HYDIN: variants seen among roughly 807,000 people sequenced by gnomAD.
The protein encoded by HYDIN is HYDIN axonemal central pair apparatus protein.
HYDIN carries 132 observed loss-of-function variants against 403.9 expected under a neutral mutation model. The observed-to-expected ratio is 0.33, with a 90% CI of 0.28 to 0.38. The LOEUF is 0.38. Ranked by LOEUF, HYDIN falls within the 10% of genes least tolerant of loss-of-function variation. The pLI, the probability that HYDIN is intolerant of heterozygous loss-of-function variation, is 1.00. For synonymous variants in HYDIN, 1,202 were observed against 1,891.7 expected, an observed-to-expected ratio of 0.64 and a Z score of 9.46; for missense variants, 2,827 against 5,009.5, an observed-to-expected ratio of 0.56 and a Z score of 13.15.
chr16:71,100,676 C>T (rs2083432036), intron 10 of HYDIN, among the ~76,000 whole-genome samples: 1 of 152,202 alleles, frequency 6.6e-6, no homozygotes, highest in African/African-American at 2.4e-5. Flanking sequence ...GCTAAATCAG[C>T]TGATATCCAC....
At position 70,829,930 on chromosome 16, in the gene HYDIN, A is replaced by C. The variant is rs1168489306; in HGVS notation, c.13900-100T>G. ...TGCGCTGGGGAAGACTGACTTTGAC[A>C]GTGCTTCCCATCATGAGTTTCAGTG... On this transcript the variant is annotated intron_variant, in intron 80 of 85. Coordinates refer to ENST00000393567, the MANE Select transcript of HYDIN (RefSeq NM_001270974.2). 41 of 1,050,600 alleles carry C rather than the reference A, an allele frequency of 3.9e-5. No individual in the cohort carries two copies. In the East Asian group the frequency reaches 9.7e-4, roughly 25 times the overall value. 65.1% of individuals were successfully genotyped at this position (1,050,600 alleles called of 1,614,324 possible).
chr16:71,086,178 G>A (rs1597741905), intron 12 of HYDIN, among the ~76,000 whole-genome samples: 2 of 152,106 alleles, frequency 1.3e-5, no homozygotes, highest in African/African-American at 4.8e-5. Context: ...TTAGGGAATA[G>A]TTTAAAGAAT....
chr16:70,994,407 G>A (rs997359015), intron 23 of HYDIN, among the ~76,000 whole-genome samples: 1 of 152,088 alleles, frequency 6.6e-6, no homozygotes, highest in Non-Finnish European at 1.5e-5. Context: ...AAAGAGTGGC[G>A]ATGGGAAAGC....
At chr16:70,944,071 G>T in intron 41 of HYDIN, 122 bp from the exon 42 acceptor site, 1 of 720,154 alleles carries the variant, frequency 1.4e-6, no homozygotes, top group South Asian at 1.8e-5. Context: ...TCTGTACAAT[G>T]GGAACTGCAT....
At chr16:70,922,785 C>CT (rs77860153) in intron 45 of HYDIN, among the ~76,000 whole-genome samples, 3,525 of 110,242 alleles carry the variant, frequency 0.032, 125 homozygotes, top group African/African-American at 0.099. Context: ...CTTTTATAAC[C>CT]TTTTTTTTTT....
At chr16:70,956,449 C>A (rs1335084287) in intron 39 of HYDIN, among the ~76,000 whole-genome samples, 2 of 152,166 alleles carry the variant, frequency 1.3e-5, no homozygotes, top group Non-Finnish European at 2.9e-5. Flanking sequence ...TTTCCACCTG[C>A]AAATATGTTA....
At chr16:70,823,813 T>C (rs2036414764) in intron 83 of HYDIN, among the ~76,000 whole-genome samples, 1 of 147,408 alleles carries the variant, frequency 6.8e-6, no homozygotes, top group South Asian at 2.2e-4. Flanking sequence ...TCCTACCCTG[T>C]AGAGACTAGC....
chr16:70,892,236 G>A, intron 56 of HYDIN, 125 bp downstream of exon 56: 3 of 989,720 alleles, frequency 3.0e-6, no homozygotes. Context: ...ATCCTATCTG[G>A]TTGCCACCCA....
At chr16:71,036,222 C>T (rs1338177725) in intron 18 of HYDIN, among the ~76,000 whole-genome samples, 3 of 151,454 alleles carry the variant, frequency 2.0e-5, no homozygotes, top group African/African-American at 7.3e-5. Flanking sequence ...GAGTTCACAT[C>T]CATCTGCTTT....
Position 71,157,072 on chromosome 16 carries a change from A to G in HYDIN, c.717-4289T>C, listed in dbSNP as rs1357554141. On this transcript the variant is annotated intron_variant, in intron 6 of 85. Transcript: ENST00000393567. ...TTGGTTAGGCATCTTATAAACATTTATTGGGTGTTTATTTATTCTAGACAG... is the reference window on the plus strand; with the variant it reads ...TTGGTTAGGCATCTTATAAACATTTGTTGGGTGTTTATTTATTCTAGACAG... Among the ~76,000 whole-genome samples the G allele has an allele frequency of 2.8e-5, 4 of 145,010 alleles. No homozygotes were observed. The Admixed American group carries it at 2.8e-4, about 10-fold the overall frequency.
chr16:70,806,271 G>C lies in HYDIN; in HGVS notation c.*1309C>G, dbSNP rs1038515477. ...GTGTTCAGTACTATCTGTGGTTTCA[G>C]GCATCTACTGGGCACCTTGGAATGT... On this transcript the variant is annotated 3_prime_UTR_variant, in exon 86 of 86. Coordinates refer to ENST00000393567, the MANE Select transcript of HYDIN (RefSeq NM_001270974.2). Among the ~76,000 whole-genome samples, 1 of 152,144 alleles carries C rather than the reference G, an allele frequency of 6.6e-6. No individual in the cohort carries two copies. The highest frequency in any genetic ancestry group is 1.5e-5 in the Non-Finnish European group (1 of 68,020).
At chr16:70,946,243 C>T (rs571440280) in intron 41 of HYDIN, among the ~76,000 whole-genome samples, 3 of 140,768 alleles carry the variant, frequency 2.1e-5, no homozygotes, top group African/African-American at 2.7e-5. Context: ...ACTTGGTGGC[C>T]GGAAGATGAG....
chr16:71,055,726 C>A (rs1282553898), intron 18 of HYDIN, among the ~76,000 whole-genome samples: 28 of 151,966 alleles, frequency 1.8e-4, no homozygotes, highest in Non-Finnish European at 4.0e-4. Context: ...TGGCCTTTCT[C>A]TGCAGATCAC....
At chr16:71,030,209 C>T (rs1415951179) in intron 19 of HYDIN, among the ~76,000 whole-genome samples, 2 of 151,872 alleles carry the variant, frequency 1.3e-5, no homozygotes, top group African/African-American at 4.8e-5. Flanking sequence ...TGACATCATG[C>T]GAGGCTAATT....
intron 18 of HYDIN, among the ~76,000 whole-genome samples, chr16:71,034,948 G>C (rs1009403568): frequency 7.5e-6 from 1 of 133,614 alleles, no homozygotes; most frequent in Non-Finnish European, 1.6e-5. Flanking sequence ...GACCTGGATG[G>C]AGATGTTTGT....
chr16:70,956,258 CAAA>C (rs4028339), intron 39 of HYDIN, among the ~76,000 whole-genome samples: 2 of 133,636 alleles, frequency 1.5e-5, no homozygotes, highest in African/African-American at 2.7e-5. Flanking sequence ...ACTTTCATTA[CAAA>C]AAAAAAAAAA....
At chr16:71,220,939 A>G (rs962386006) in intron 1 of HYDIN, among the ~76,000 whole-genome samples, 1 of 152,236 alleles carries the variant, frequency 6.6e-6, no homozygotes. Context: ...CAAAAAGCTA[A>G]CAAGACCATA....
chr16:70,931,712 C>A (rs2077339385), intron 45 of HYDIN, among the ~76,000 whole-genome samples: 1 of 152,198 alleles, frequency 6.6e-6, no homozygotes, highest in Admixed American at 6.5e-5. Flanking sequence ...AGGAAATCTT[C>A]CGATTAGAAA....
At chr16:71,025,950 GA>G (rs2080678372) in intron 20 of HYDIN, among the ~76,000 whole-genome samples, 1 of 151,064 alleles carries the variant, frequency 6.6e-6, no homozygotes, top group Non-Finnish European at 1.5e-5. Context: ...GCCCAGGCTG[GA>G]GTGCAATGGT....
Sources: gnomAD v4.1 joint callset for allele counts (sites outside exome capture counted in the v4.1 genomes callset) on GRCh38, gnomAD v4.1.1 for gene constraint, MANE v1.5 for transcripts, NCBI Gene and HGNC (gene_info 2026-07-23, HGNC 2026-07-21) for gene names.